Variants in HS3ST2 observed in about 807,000 individuals in gnomAD.
HS3ST2 encodes heparan sulfate glucosamine 3-O-sulfotransferase 2.
In HS3ST2, 17 loss-of-function variants were observed where a neutral mutation model predicts 26.3. The observed-to-expected ratio is 0.65, with a 90% CI of 0.44 to 0.97. The LOEUF is 0.97. Among genes scored for constraint, HS3ST2 ranks in the 50% least tolerant of loss-of-function variants. The pLI is 0.00. For missense variants in HS3ST2, 402 were observed against 501.2 expected, an observed-to-expected ratio of 0.80 and a Z score of 1.89; for synonymous variants, 237 against 219.2, an observed-to-expected ratio of 1.08 and a Z score of -0.72.
chr16:22,827,077 A>G (rs753295347), intron 1 of HS3ST2, among the ~76,000 whole-genome samples: 4 of 152,084 alleles, frequency 2.6e-5, no homozygotes, highest in Non-Finnish European at 5.9e-5. Flanking sequence ...AGAGAAGGCA[A>G]TATTTGAGTG....
chr16:22,895,845 T>C (rs1332047547), intron 1 of HS3ST2, among the ~76,000 whole-genome samples: 1 of 152,182 alleles, frequency 6.6e-6, no homozygotes. Flanking sequence ...TCTAATACAG[T>C]AAATGAGTAG....
chr16:22,831,574 G>A (rs1056289061), intron 1 of HS3ST2, among the ~76,000 whole-genome samples: 3 of 147,536 alleles, frequency 2.0e-5, no homozygotes, highest in Non-Finnish European at 4.4e-5. Context: ...TCTCTAATAT[G>A]TTACCTGAGG....
At chr16:22,892,836 T>C (rs570866572) in intron 1 of HS3ST2, among the ~76,000 whole-genome samples, 5 of 152,222 alleles carry the variant, frequency 3.3e-5, no homozygotes, top group Non-Finnish European at 5.9e-5. Context: ...CAAAATGCGT[T>C]GGCTCTTTTC....
At chr16:22,818,316 C>T (rs1003809557) in intron 1 of HS3ST2, among the ~76,000 whole-genome samples, 75 of 152,262 alleles carry the variant, frequency 4.9e-4, no homozygotes, top group African/African-American at 1.6e-3. Context: ...GGTGATTCTC[C>T]CAAGTCTCAG....
intron 1 of HS3ST2, among the ~76,000 whole-genome samples, chr16:22,873,726 C>T (rs987193442): frequency 5.3e-5 from 8 of 152,188 alleles, no homozygotes; most frequent in Non-Finnish European, 1.2e-4. Flanking sequence ...CAGCCACTTA[C>T]GGAGTCCAGC....
At chr16:22,886,147 C>T (rs986933353) in intron 1 of HS3ST2, among the ~76,000 whole-genome samples, 1 of 152,180 alleles carries the variant, frequency 6.6e-6, no homozygotes, top group African/African-American at 2.4e-5. Context: ...TTTTATAGCT[C>T]AAGTTAGCTG....
At chr16:22,909,190 T>A (rs1178383163) in intron 1 of HS3ST2, among the ~76,000 whole-genome samples, 1 of 152,204 alleles carries the variant, frequency 6.6e-6, no homozygotes, top group Non-Finnish European at 1.5e-5. Flanking sequence ...CCATCAAGAT[T>A]TTGTCCAAAG....
chr16:22,906,360 A>T (rs1383958766), intron 1 of HS3ST2, among the ~76,000 whole-genome samples: 1 of 20,350 alleles, frequency 4.9e-5, no homozygotes, highest in South Asian at 1.1e-3. Flanking sequence ...ACAGAGCGAG[A>T]CTCCATCTAA....
chr16:22,875,399 G>A (rs1901901421), intron 1 of HS3ST2, among the ~76,000 whole-genome samples: 1 of 149,464 alleles, frequency 6.7e-6, no homozygotes, highest in Non-Finnish European at 1.5e-5. Flanking sequence ...TATTTATTTA[G>A]AGATAGAGTC....
At position 22,915,446 on chromosome 16, in the gene HS3ST2, A is replaced by T; in HGVS notation, c.988A>T (p.Lys330Ter). ...CCTGCCTCGATGCTTGGGCAAATCA[A>T]AAGGGAGAACTCATGTACAGATTGA... ...SLLPRCLGKS[K>*]GRTHVQIDPE... The change falls in exon 2 of 2, where the codon AAA becomes TAA. Residue 330 changes from lysine (K) to a stop codon, truncating the protein, a stop_gained. Coordinates refer to ENST00000261374, the MANE Select transcript of HS3ST2 (RefSeq NM_006043.2). LOFTEE classifies it high-confidence loss of function. The T allele has an allele frequency of 6.2e-7, 1 of 1,614,104 alleles. No individual in the cohort carries two copies.
intron 1 of HS3ST2, among the ~76,000 whole-genome samples, chr16:22,833,010 T>C (rs969016241): frequency 7.9e-5 from 12 of 151,892 alleles, no homozygotes; most frequent in Admixed American, 3.3e-4. Flanking sequence ...GTTGATACCC[T>C]CAGTTCCTTC....
intron 1 of HS3ST2, among the ~76,000 whole-genome samples, chr16:22,843,859 G>A (rs140547144): frequency 6.6e-6 from 1 of 152,294 alleles, no homozygotes; most frequent in East Asian, 1.9e-4. Flanking sequence ...AATCAGAAAG[G>A]TGGGGAAGAT....
Position 22,915,011 on chromosome 16 carries a change from C to T in HS3ST2, c.553C>T (p.Gln185Ter), listed in dbSNP as rs1420347562. The T allele has an allele frequency of 6.2e-7, 1 of 1,613,922 alleles. No homozygotes were observed. Among genetic ancestry groups the T allele is most frequent in the East Asian group, 2.2e-5 (1 of 44,872 alleles). ...GAAGACGCCCAGCTACTTTGTCACT[C>T]AAGAGGCTCCTCGACGCATCTTCAA... ...LEKTPSYFVT[Q>*]EAPRRIFNMS... Residue 185 changes from glutamine to a stop codon, truncating the protein, a stop_gained, in exon 2 of 2, where the codon CAA becomes TAA. Transcript: ENST00000261374. LOFTEE classifies it high-confidence loss of function.
At chr16:22,860,503 G>GTTTATTTA (rs1285693934) in intron 1 of HS3ST2, among the ~76,000 whole-genome samples, 1 of 152,108 alleles carries the variant, frequency 6.6e-6, no homozygotes, top group Non-Finnish European at 1.5e-5. Flanking sequence ...GACTTCTGCA[G>GTTTATTTA]TTTATTTATT....
At chr16:22,892,213 C>T (rs911686403) in intron 1 of HS3ST2, among the ~76,000 whole-genome samples, 1 of 151,458 alleles carries the variant, frequency 6.6e-6, no homozygotes, top group African/African-American at 2.4e-5. Flanking sequence ...TGGGGTGAAC[C>T]CAGGAAGTGG....
intron 1 of HS3ST2, among the ~76,000 whole-genome samples, chr16:22,891,899 C>T (rs1262299856): frequency 2.0e-5 from 3 of 152,050 alleles, no homozygotes; most frequent in Non-Finnish European, 4.4e-5. Flanking sequence ...TTTATAAGTG[C>T]ACAGGGAGTA....
chr16:22,825,286 G>A (rs903708968), intron 1 of HS3ST2, among the ~76,000 whole-genome samples: 2 of 152,160 alleles, frequency 1.3e-5, no homozygotes, highest in Admixed American at 6.5e-5. Flanking sequence ...AAAAGTGCTC[G>A]AAACATCTGT....
intron 1 of HS3ST2, among the ~76,000 whole-genome samples, chr16:22,864,110 C>T (rs1901715990): frequency 6.6e-6 from 1 of 152,188 alleles, no homozygotes; most frequent in Non-Finnish European, 1.5e-5. Flanking sequence ...GGATTCAGAT[C>T]CTTTGATCTG....
rs548643630 is a variant in HS3ST2 at position 22,913,699 on chromosome 16, T to C, written c.486-1245T>C. Among the ~76,000 whole-genome samples, 85 of 152,318 alleles carry C rather than the reference T, an allele frequency of 5.6e-4. 1 individual carries two copies. Among genetic ancestry groups the C allele is most frequent in the Admixed American group, 2.1e-3 (32 of 15,298 alleles). The stretch of plus-strand genomic sequence containing the variant: ...AATTTTCAAGCAGCTTAAAAGGTTA[T>C]ACAATAAAAAGTAATTCTTAGCCAG... On this transcript the variant is annotated intron_variant, in intron 1 of 1. Transcript: ENST00000261374.
Sources: allele counts gnomAD v4.1 joint callset (sites outside exome capture counted in the v4.1 genomes callset), GRCh38; gene constraint gnomAD v4.1.1; transcripts MANE v1.5; gene names NCBI Gene and HGNC (gene_info 2026-07-23, HGNC 2026-07-21).